Variants in CARF observed in about 807,000 individuals in gnomAD.
CARF encodes the protein calcium-responsive transcription factor.
CARF carries 57 observed loss-of-function variants against 82.0 expected under a neutral mutation model. The observed-to-expected ratio is 0.70, with a 90% CI of 0.56 to 0.87. CARF has a LOEUF of 0.87. Ranked by LOEUF, CARF falls within the 40% of genes least tolerant of loss-of-function variation. CARF has a pLI of 0.00. For synonymous variants in CARF, 268 were observed against 290.1 expected (o/e 0.92, Z 0.77); for missense variants, 771 against 855.8 (o/e 0.90, Z 1.24).
chr2:202,973,257 G>T (rs2059880064), intron 12 of CARF, among the ~76,000 whole-genome samples: 1 of 151,918 alleles, frequency 6.6e-6, no homozygotes, highest in South Asian at 2.1e-4. Flanking sequence ...TTTCCACTGG[G>T]GCATCATTAG....
At chr2:202,914,205 A>G (rs1460499163) in intron 1 of CARF, among the ~76,000 whole-genome samples, 1 of 152,156 alleles carries the variant, frequency 6.6e-6, no homozygotes, top group Non-Finnish European at 1.5e-5. Context: ...TATGGTCCTC[A>G]TGGAGACACA....
rs189494923 is a variant in CARF, at chr2:202,987,460, G to A, written c.*3836G>A. On this transcript the variant is annotated 3_prime_UTR_variant, in exon 17 of 17. Transcript: ENST00000438828. Reference sequence around the variant, plus strand: ...CTGCATTGGTTCTTCTCCATCAGCTGGCTTAGACATCAAACATCTTAAATG... The same window carrying A: ...CTGCATTGGTTCTTCTCCATCAGCTAGCTTAGACATCAAACATCTTAAATG... Among the ~76,000 whole-genome samples the A allele has an allele frequency of 3.8e-4, 57 of 151,972 alleles. No homozygotes were observed. The highest frequency in any genetic ancestry group is 2.1e-3 in the South Asian group (10 of 4,810).
Position 202,985,281 on chromosome 2 carries a change from G to C in CARF, c.*1657G>C, listed in dbSNP as rs2060397049. On this transcript the variant is annotated 3_prime_UTR_variant, in exon 17 of 17. Transcript: ENST00000438828. ...TATGAGTCACTTTTGGCTTTTCTAA[G>C]TCCAGCCTCCCATTCTTAATTGACT... 1 of 151,896 alleles carries C rather than the reference G, an allele frequency of 6.6e-6. No individual in the cohort carries two copies. Among genetic ancestry groups the C allele is most frequent in the Non-Finnish European group, 1.5e-5 (1 of 67,978 alleles). 9.4% of individuals were successfully genotyped at this position (151,896 alleles called of 1,614,324 possible). A position where few individuals can be genotyped will look rare whatever the true frequency, so the allele number is the denominator to read the frequency against.
Position 202,983,609 on chromosome 2 carries a change from A to G in CARF, c.2163A>G (p.Lys721=), listed in dbSNP as rs768627299. 1 of 1,585,096 alleles carries G rather than the reference A, an allele frequency of 6.3e-7. No individual in the cohort carries two copies. The highest frequency in any genetic ancestry group is 1.1e-5 in the South Asian group (1 of 88,756). The change falls in exon 17 of 17, where the codon AAA becomes AAG. Residue 721 remains lysine (K), a synonymous_variant. Transcript: ENST00000438828. The stretch of plus-strand genomic sequence containing the variant: ...CAAAAAAAACTGTGGACTATAAGAA[A>G]TTATCTGCTACATAAATTATTGAAG... ...MEAKKTVDYK[K]LSAT is the part of the protein sequence containing the mutation.
chr2:202,945,458 C>T (rs1046518099), intron 5 of CARF, among the ~76,000 whole-genome samples: 4 of 152,114 alleles, frequency 2.6e-5, no homozygotes, highest in African/African-American at 9.7e-5. Flanking sequence ...AGCTCCTCTC[C>T]CTCCCACCCT....
intron 2 of CARF, among the ~76,000 whole-genome samples, chr2:202,920,504 A>G: frequency 6.6e-6 from 1 of 152,198 alleles, no homozygotes. Context: ...ATATTTTAAA[A>G]GTCAAAGAGC....
At chr2:202,958,249 A>ATGTGTGTGTGTG (rs71034206) in intron 8 of CARF, among the ~76,000 whole-genome samples, 3,263 of 139,986 alleles carry the variant, frequency 0.023, 59 homozygotes, top group East Asian at 0.092. Context: ...ATATACATAT[A>ATGTGTGTGTGTG]TGTGTGTGTG....
intron 10 of CARF, among the ~76,000 whole-genome samples, chr2:202,967,764 G>T (rs569242117): frequency 2.0e-5 from 3 of 152,110 alleles, no homozygotes; most frequent in African/African-American, 7.2e-5. Flanking sequence ...TAGGGCAAAG[G>T]CTGTATCTTT....
chr2:202,918,154 ATTTATG>A (rs1454048252), intron 2 of CARF, 111 bp downstream of exon 2: 2 of 308,374 alleles, frequency 6.5e-6, no homozygotes, highest in East Asian at 2.0e-4. Flanking sequence ...GCTTTGTTCT[ATTTATG>A]TTTATCAGTT....
Position 202,987,109 on chromosome 2 carries a change from T to G in CARF, c.*3485T>G, listed in dbSNP as rs1232244628. 1.3e-5 allele frequency: 2 copies of G among 151,434 alleles called. No homozygotes were observed. The highest frequency in any genetic ancestry group is 4.8e-5 in the African/African-American group (2 of 41,264). 9.4% of individuals were successfully genotyped at this position (151,434 alleles called of 1,614,324 possible). On this transcript the variant is annotated 3_prime_UTR_variant, in exon 17 of 17. Coordinates refer to ENST00000438828, the MANE Select transcript of CARF (RefSeq NM_024744.17). ...TGTCCAATTTGGAACCTGAAAGTTT[T>G]AAGCATAACTACAAGTAACTCCTGT...
At chr2:202,965,572 T>C (rs750537927) in intron 9 of CARF, among the ~76,000 whole-genome samples, 2 of 152,118 alleles carry the variant, frequency 1.3e-5, no homozygotes, top group Non-Finnish European at 1.5e-5. Context: ...TATGATTGTT[T>C]GTAGTCTACA....
rs1014301655 is a variant in CARF at position 202,972,547 on chromosome 2, C to T, written c.1331+809C>T. Among the ~76,000 whole-genome samples the T allele has an allele frequency of 2.6e-5, 4 of 151,836 alleles. No individual in the cohort carries two copies. The East Asian group carries it at 5.8e-4, about 22-fold the overall frequency. ...CAAAAACTAGCTGGGCATGGTGGCA[C>T]GCACCTGTAGTCCCAGCTTCTCGGG... On this transcript the variant is annotated intron_variant, in intron 12 of 16. Transcript: ENST00000438828.
chr2:202,954,252 T>C (rs1574658572), intron 7 of CARF, 118 bp downstream of exon 7: 11 of 1,179,342 alleles, frequency 9.3e-6, no homozygotes, highest in South Asian at 1.9e-5. Flanking sequence ...GGAACTATCA[T>C]TGAATATATC....
At chr2:202,922,917 C>T (rs1317963356) in intron 2 of CARF, among the ~76,000 whole-genome samples, 1 of 152,058 alleles carries the variant, frequency 6.6e-6, no homozygotes, top group East Asian at 1.9e-4. Context: ...CTAAAGACTC[C>T]TCCAGAAAGC....
chr2:202,952,536 T>C, intron 5 of CARF, 23 bp from the exon 6 acceptor site: 1 of 1,559,204 alleles, frequency 6.4e-7, no homozygotes, highest in Non-Finnish European at 8.8e-7. Context: ...TGCATTTGAT[T>C]TTTTTTTTTT....
At chr2:202,923,795 G>T (rs1179395085) in intron 2 of CARF, among the ~76,000 whole-genome samples, 1 of 152,166 alleles carries the variant, frequency 6.6e-6, no homozygotes, top group Non-Finnish European at 1.5e-5. Context: ...CAATGAAACA[G>T]AATAGAGAAC....
intron 3 of CARF, among the ~76,000 whole-genome samples, chr2:202,936,531 A>G (rs1042398878): frequency 2.6e-5 from 4 of 152,096 alleles, no homozygotes; most frequent in Admixed American, 1.3e-4. Context: ...ATAATATGTG[A>G]CCTTTTGTGT....
At chr2:202,974,258 G>A in intron 12 of CARF, 76 bp from the exon 13 acceptor site, 3 of 1,049,436 alleles carry the variant, frequency 2.9e-6, no homozygotes, top group Non-Finnish European at 4.0e-6. Context: ...TACTGAAAGA[G>A]AACCTTTCTG....
At chr2:202,915,557 A>G (rs1393780727) in intron 1 of CARF, among the ~76,000 whole-genome samples, 1 of 150,172 alleles carries the variant, frequency 6.7e-6, no homozygotes, top group East Asian at 2.0e-4. Context: ...GCAACCTCCA[A>G]CTCCCTGGTT....
Sources: gnomAD v4.1 joint callset for allele counts (sites outside exome capture counted in the v4.1 genomes callset) on GRCh38, gnomAD v4.1.1 for gene constraint, MANE v1.5 for transcripts, NCBI Gene and HGNC (gene_info 2026-07-23, HGNC 2026-07-21) for gene names.